The following BSN variants were observed in gnomAD, a reference collection of about 807,000 sequenced individuals.
BSN encodes bassoon presynaptic cytomatrix protein.
BSN carries 57 observed loss-of-function variants against 264.8 expected under a neutral mutation model. The ratio of observed to expected loss-of-function variants is 0.22; its 90% CI spans 0.17 to 0.27. BSN has a LOEUF of 0.27. Ranked by LOEUF, BSN falls within the 10% of genes least tolerant of loss-of-function variation. BSN has a pLI of 1.00. For synonymous variants in BSN, 2,059 were observed against 2,137.3 expected (o/e 0.96, Z 1.01); for missense variants, 4,615 against 5,232.5 (o/e 0.88, Z 3.64).
intron 1 of BSN, among the ~76,000 whole-genome samples, chr3:49,582,802 C>T (rs922759998): frequency 6.6e-6 from 1 of 152,026 alleles, no homozygotes; most frequent in African/African-American, 2.4e-5. Flanking sequence ...TAGTCCTTAT[C>T]ATATTGAGAA....
intron 8 of BSN, 143 bp from the exon 9 acceptor site, chr3:49,664,280 C>A: frequency 9.1e-7 from 1 of 1,095,804 alleles, no homozygotes; most frequent in East Asian, 2.4e-5. Context: ...TTCTTACCTT[C>A]TTCTCTTTAT....
rs886724349 is a variant in BSN at position 49,670,605 on chromosome 3, G to C, written c.*3120G>C. The C allele has an allele frequency of 6.6e-6, 1 of 152,304 alleles. No individual in the cohort carries two copies. Among genetic ancestry groups the C allele is most frequent in the African/African-American group, 2.4e-5 (1 of 41,464 alleles). 9.4% of individuals were successfully genotyped at this position (152,304 alleles called of 1,614,324 possible). The stretch of plus-strand genomic sequence containing the variant: ...CCAGAAGCTGAGGGACCAGCACTTG[G>C]TGCCTTGGAAAGTAGAGAGCAACAG... On this transcript the variant is annotated 3_prime_UTR_variant, in exon 12 of 12. Coordinates refer to ENST00000296452, the MANE Select transcript of BSN (RefSeq NM_003458.4).
chr3:49,565,085 T>C (rs1435471993), intron 1 of BSN, among the ~76,000 whole-genome samples: 1 of 151,550 alleles, frequency 6.6e-6, no homozygotes, highest in Non-Finnish European at 1.5e-5. Context: ...ATGATTAGCA[T>C]TTTGCCAACT....
intron 1 of BSN, among the ~76,000 whole-genome samples, chr3:49,574,605 T>A (rs1160564120): frequency 3.3e-5 from 5 of 149,792 alleles, no homozygotes; most frequent in African/African-American, 1.2e-4. Flanking sequence ...GGCTAATTTA[T>A]GTGTTTTTAG....
chr3:49,626,130 A>G (rs1364085966), intron 2 of BSN, among the ~76,000 whole-genome samples: 1 of 152,186 alleles, frequency 6.6e-6, no homozygotes, highest in Non-Finnish European at 1.5e-5. Context: ...TTTGTTCAGG[A>G]TGCTTTGAAT....
rs763301202 is a variant in BSN, at chr3:49,657,669, T to G, written c.8113T>G (p.Ser2705Ala). The G allele has an allele frequency of 1.3e-6, 2 of 1,572,906 alleles. No homozygotes were observed. Among genetic ancestry groups the G allele is most frequent in the South Asian group, 2.4e-5 (2 of 84,850 alleles). ...CAAGGTGGAGATCGTCAGGTACATA[T>G]CGGCGCCAGAGAAGACTGGGCGTGG... is the stretch of plus-strand genomic sequence containing the variant. ...DPKVEIVRYI[S>A]APEKTGRGES... The change falls in exon 5 of 12, where the codon TCG (serine) becomes GCG (alanine). Residue 2705 changes from serine to alanine, a missense_variant. Ser to Ala is a moderately conservative substitution (Grantham distance 99). Coordinates refer to ENST00000296452, the MANE Select transcript of BSN (RefSeq NM_003458.4).
chr3:49,613,505 T>A (rs7633189), intron 1 of BSN, among the ~76,000 whole-genome samples: 1,808 of 151,620 alleles, frequency 0.012, 39 homozygotes, highest in African/African-American at 0.039. Context: ...TATTATTATT[T>A]TTTTTTGAGA....
In BSN at chr3:49,655,169, A is replaced by C. The variant is rs547498998; in HGVS notation, c.5613A>C (p.Thr1871=). 8 of 1,612,862 alleles carry C rather than the reference A, an allele frequency of 5.0e-6. No individual in the cohort carries two copies. The East Asian group carries it at 8.9e-5, about 18-fold the overall frequency. ...TGGTGGTGCAGATGGGAGAGGGCAC[A>C]GCAGGCACTGTGACCACACTGCTCC... ...HTVVVQMGEG[T]AGTVTTLLPE... is the part of the protein sequence containing the mutation. The change falls in exon 5 of 12, where the codon ACA becomes ACC. Residue 1871 remains threonine, a synonymous_variant. Coordinates refer to ENST00000296452, the MANE Select transcript of BSN (RefSeq NM_003458.4).
rs1225004301 is a variant in BSN at position 49,660,263 on chromosome 3, G to A, written c.8641-223G>A. On this transcript the variant is annotated intron_variant, in intron 5 of 11. Transcript: ENST00000296452. This position sits in a 1 kb window ranked among gnomAD's most constrained non-coding sequence, Gnocchi z 7.1. ...ACCCTCCTGCTTCCCAAAGCTCTGG[G>A]AAAGAGAAGGGCTGTAAAATAATCA... is the stretch of plus-strand genomic sequence containing the variant. Among the ~76,000 whole-genome samples, 1 of 152,192 alleles carries A rather than the reference G, an allele frequency of 6.6e-6. No homozygotes were observed. Among genetic ancestry groups the A allele is most frequent in the Non-Finnish European group, 1.5e-5 (1 of 68,016 alleles).
At chr3:49,673,073 C>A (rs2052839057), downstream of BSN, among the ~76,000 whole-genome samples, 1 of 81,798 alleles carries the variant, frequency 1.2e-5, no homozygotes, top group Non-Finnish European at 2.7e-5. Context: ...GCCACCGCGC[C>A]CGGCCGGCCG....
rs750794835 is a variant in BSN, at chr3:49,663,492, A to ACAG, written c.11346_11348dup (p.Gln3783dup). ...GGGCAGCATCACGCCAGCCACAGAC[A>ACAG]CAGCAGCAGCAGCAAGGTCTTGGGC... On this transcript the variant is annotated inframe_insertion, in exon 7 of 12. Transcript: ENST00000296452. 3 of 1,613,156 alleles carry ACAG rather than the reference A, an allele frequency of 1.9e-6. No homozygotes were observed. The highest frequency in any genetic ancestry group is 1.7e-4 in the Middle Eastern group (1 of 6,060).
chr3:49,589,254 A>G (rs1218660811), intron 1 of BSN, among the ~76,000 whole-genome samples: 1 of 151,324 alleles, frequency 6.6e-6, no homozygotes, highest in Non-Finnish European at 1.5e-5. Flanking sequence ...TAATTAGTTT[A>G]TAGTGTTGCT....
intron 1 of BSN, among the ~76,000 whole-genome samples, chr3:49,586,954 AT>A (rs1222546371): frequency 3.9e-5 from 6 of 152,042 alleles, no homozygotes; most frequent in East Asian, 1.9e-4. Flanking sequence ...AATGTCATTG[AT>A]AGTTTGATAG....
intron 1 of BSN, among the ~76,000 whole-genome samples, chr3:49,560,599 A>T (rs775142751): frequency 6.6e-6 from 1 of 152,196 alleles, no homozygotes; most frequent in South Asian, 2.1e-4. Flanking sequence ...TTGGTGAACA[A>T]TCTAGCTGTG....
chr3:49,604,928 G>A (rs1388567809), intron 1 of BSN, among the ~76,000 whole-genome samples: 1 of 151,794 alleles, frequency 6.6e-6, no homozygotes, highest in African/African-American at 2.4e-5. Flanking sequence ...CCTCTGGGAT[G>A]TCCTTCCCAG....
rs141263366 is a variant in BSN at position 49,656,979 on chromosome 3, G to C, written c.7423G>C (p.Ala2475Pro). The C allele has an allele frequency of 2.4e-4, 379 of 1,609,072 alleles. 2 individuals are homozygous for C. In the African/African-American group the frequency reaches 4.2e-3, roughly 18 times the overall value. Residue 2475 changes from alanine (A) to proline (P), a missense_variant, in exon 5 of 12, where the codon GCT (alanine) becomes CCT (proline). By Grantham distance (27) the Ala-to-Pro change is conservative. This residue lies in a region of BSN where 3,415 missense variants were observed against 3,866.4 expected (regional missense o/e 0.88). Coordinates refer to ENST00000296452, the MANE Select transcript of BSN (RefSeq NM_003458.4). ...AGAGGAGCAGAAGCAGCGGCAGAAG[G>C]CTCCCTTTCCTGCAGCCTGTGAGGC... The part of the protein sequence containing the change: ...QLEEQKQRQK[A>P]PFPAACEAPG...
intron 1 of BSN, among the ~76,000 whole-genome samples, chr3:49,605,173 T>C (rs1244105420): frequency 6.9e-6 from 1 of 144,316 alleles, no homozygotes; most frequent in Non-Finnish European, 1.5e-5. Context: ...GGCAGGAGAA[T>C]TGCTTGAACC....
intron 2 of BSN, among the ~76,000 whole-genome samples, chr3:49,626,237 C>T (rs1186528050): frequency 2.6e-5 from 4 of 152,126 alleles, no homozygotes; most frequent in African/African-American, 9.7e-5. Context: ...GAGTAGAAGC[C>T]TCTGTTTCTC....
rs1418295840 is a variant in BSN at position 49,585,038 on chromosome 3, T to C, written c.224+30212T>C. On this transcript the variant is annotated intron_variant, in intron 1 of 11. Coordinates refer to ENST00000296452, the MANE Select transcript of BSN (RefSeq NM_003458.4). The surrounding 1 kb of genome is among the most constrained non-coding windows in gnomAD (Gnocchi z 4.7). ...GCCACATTTTCTTTATCCATTCAGC[T>C]GTTGTTAGACACCTAGGTTGCTTCG... Among the ~76,000 whole-genome samples, 1 of 152,184 alleles carries C rather than the reference T, an allele frequency of 6.6e-6. No homozygotes were observed. The highest frequency in any genetic ancestry group is 1.5e-5 in the Non-Finnish European group (1 of 68,032).
Sources: gnomAD v4.1 joint callset for allele counts (sites outside exome capture counted in the v4.1 genomes callset) on GRCh38, gnomAD v4.1.1 for gene constraint, gnomAD v4.1.1 regional missense constraint, Gnocchi (gnomAD v3.1) non-coding constraint, MANE v1.5 for transcripts, NCBI Gene and HGNC (gene_info 2026-07-23, HGNC 2026-07-21) for gene names.